CDK10: variants seen among roughly 807,000 people sequenced by gnomAD.
The protein encoded by CDK10 is cyclin dependent kinase 10, also known as cyclin-dependent kinase 10.
In CDK10, 55 loss-of-function variants were observed where a neutral mutation model predicts 51.0. That is an observed-to-expected ratio of 1.08 (90% CI 0.87 to 1.35). CDK10 has a LOEUF of 1.35. CDK10 is among the 40% of genes most tolerant of loss of function. The pLI is 0.00. For missense variants in CDK10, 589 were observed against 485.1 expected, an observed-to-expected ratio of 1.21 and a Z score of -2.01; for synonymous variants, 255 against 199.1, an observed-to-expected ratio of 1.28 and a Z score of -2.36.
chr16:89,694,208 C>A lies in CDK10; in HGVS notation c.644C>A (p.Thr215Lys), dbSNP rs772201457. The A allele has an allele frequency of 6.2e-7, 1 of 1,613,904 alleles. No individual in the cohort carries two copies. The highest frequency in any genetic ancestry group is 1.3e-5 in the African/African-American group (1 of 74,892). Residue 215 changes from threonine to lysine, a missense_variant, in exon 9 of 13, where the codon ACG becomes AAG. Coordinates refer to ENST00000353379, the MANE Select transcript of CDK10 (RefSeq NM_052988.5). ...RAPELLLGTT[T>K]QTTSIDMWAV... The stretch of plus-strand genomic sequence containing the variant: ...CCTGAACTGCTGTTGGGAACCACCA[C>A]GCAGACCACCAGCATCGACATGTGG...
Position 89,691,362 on chromosome 16 carries a change from C to T in CDK10, c.233-81C>T, listed in dbSNP as rs1358663237. 5.0e-6 allele frequency: 5 copies of T among 1,005,342 alleles called. No homozygotes were observed. In the African/African-American group the frequency reaches 6.4e-5, roughly 13 times the overall value. 62.3% of individuals were successfully genotyped at this position (1,005,342 alleles called of 1,614,324 possible). On this transcript the variant is annotated intron_variant, in intron 3 of 12. Transcript: ENST00000353379. ...ACTGCAGCACCTGCTATCAGGTGTT[C>T]GTGAAGCCCAAGAGTGGCTGGGGTT...
In CDK10 at chr16:89,687,788, C is replaced by T. The variant is rs1042206910; in HGVS notation, c.87+991C>T. On this transcript the variant is annotated intron_variant, in intron 1 of 12. Coordinates refer to ENST00000353379, the MANE Select transcript of CDK10 (RefSeq NM_052988.5). ...AAGGATTTGGACACCCAGAAATAAGCGTGTCGAGAAGAGCACAAGCAGAGG... is the reference window on the plus strand; with the variant it reads ...AAGGATTTGGACACCCAGAAATAAGTGTGTCGAGAAGAGCACAAGCAGAGG... The T allele has an allele frequency of 1.6e-4, 56 of 354,284 alleles. 3 individuals are homozygous for T. The highest frequency in any genetic ancestry group is 3.6e-5 in the Admixed American group (1 of 27,672). 21.9% of individuals were successfully genotyped at this position (354,284 alleles called of 1,614,324 possible).
intron 3 of CDK10, among the ~76,000 whole-genome samples, chr16:89,690,906 G>T (rs1257147334): frequency 6.6e-6 from 1 of 152,138 alleles, no homozygotes; most frequent in Non-Finnish European, 1.5e-5. Context: ...GCACCTGCCT[G>T]TGCAGGCAGG....
rs760973187 is a variant in CDK10 at position 89,693,484 on chromosome 16, C to T, written c.608+17C>T. 3.7e-6 allele frequency: 6 copies of T among 1,613,146 alleles called. No homozygotes were observed. Among genetic ancestry groups the T allele is most frequent in the African/African-American group, 2.7e-5 (2 of 74,914 alleles). ...CACTCTCTGGTAAGTCCTTCTGAAG[C>T]ATGGTGGCCCCTGGGGACCAGGCCT... On this transcript the variant is annotated intron_variant, in intron 8 of 12. Coordinates refer to ENST00000353379, the MANE Select transcript of CDK10 (RefSeq NM_052988.5).
Position 89,695,016 on chromosome 16 carries a change from C to G in CDK10, c.878C>G (p.Ser293Trp). The stretch of plus-strand genomic sequence containing the variant: ...CTGAAGCACAAGTTCCCATGGCTGT[C>G]GGAGGCCGGGCTGCGCCTGCTGCAC... Reference protein sequence around the residue: ...NNLKHKFPWLSEAGLRLLHFL... With the variant: ...NNLKHKFPWLWEAGLRLLHFL... The change falls in exon 11 of 13, where the codon TCG becomes TGG. Residue 293 changes from serine (S) to tryptophan (W), a missense_variant. Physicochemically the swap from Ser to Trp is radical, Grantham distance 177. Transcript: ENST00000353379. 1 of 1,613,314 alleles carries G rather than the reference C, an allele frequency of 6.2e-7. No homozygotes were observed. Among genetic ancestry groups the G allele is most frequent in the Non-Finnish European group, 8.5e-7 (1 of 1,180,022 alleles).
chr16:89,694,835 TCTGCGCCCGCAGCCCCCGCCCGTGCCCAC>T (rs1567525035), intron 10 of CDK10, 47 bp downstream of exon 10: 1 of 1,157,698 alleles, frequency 8.6e-7, no homozygotes, highest in Non-Finnish European at 1.1e-6. Context: ...GCCCACGCCC[TCTGCGCCCGCAGCCCCCGCCCGTGCCCAC>T]GCCCTCTGCG....
chr16:89,687,095 G>C, intron 1 of CDK10: 1 of 284,588 alleles, frequency 3.5e-6, no homozygotes. Context: ...GGCGCTGCTG[G>C]GTTCAGCGCC....
At chr16:89,690,743 G>T in intron 3 of CDK10, 119 bp downstream of exon 3, 1 of 872,178 alleles carries the variant, frequency 1.1e-6, no homozygotes, top group South Asian at 1.4e-5. Flanking sequence ...GCCTCTGGGA[G>T]GGTTCTGGTG....
chr16:89,691,640 T>C (rs2060455243), intron 4 of CDK10, 95 bp downstream of exon 4: 1 of 1,257,144 alleles, frequency 8.0e-7, no homozygotes. Context: ...TCACTGGGCA[T>C]GAGGTTGTCA....
intron 8 of CDK10, 150 bp from the exon 9 acceptor site, chr16:89,694,023 C>T (rs2060577408): frequency 2.7e-6 from 2 of 736,902 alleles, no homozygotes; most frequent in Non-Finnish European, 4.7e-6. Context: ...CTGTGTGTGC[C>T]ACCTGGATCT....
chr16:89,687,446 C>G (rs748212725), intron 1 of CDK10: 1 of 455,696 alleles, frequency 2.2e-6, no homozygotes, highest in Non-Finnish European at 4.4e-6. Context: ...GAATCATTAA[C>G]AGATCGTGGC....
chr16:89,694,856 C>T (rs1178255938), intron 10 of CDK10, 68 bp downstream of exon 10: 22 of 1,537,488 alleles, frequency 1.4e-5, no homozygotes, highest in Admixed American at 1.9e-5. Flanking sequence ...AGCCCCCGCC[C>T]GTGCCCACGC....
At position 89,691,534 on chromosome 16, in the gene CDK10, C is replaced by T. The variant is rs1055365150; in HGVS notation, c.324C>T (p.Asn108=). The T allele has an allele frequency of 1.9e-6, 3 of 1,613,572 alleles. No homozygotes were observed. Among genetic ancestry groups the T allele is most frequent in the Middle Eastern group, 1.7e-4 (1 of 6,060 alleles). The stretch of plus-strand genomic sequence containing the variant: ...AGCTGAAGGAGGTGGTTGTGGGGAA[C>T]CACCTGGAGAGGTACGTGGTCTCCT... ...IVELKEVVVG[N]HLESIFLVMG... is the part of the protein sequence containing the mutation. The change falls in exon 4 of 13, where the codon AAC becomes AAT. Residue 108 remains asparagine, a synonymous_variant. Coordinates refer to ENST00000353379, the MANE Select transcript of CDK10 (RefSeq NM_052988.5).
chr16:89,694,138 GC>G (rs759045194), intron 8 of CDK10, 34 bp from the exon 9 acceptor site: 2 of 1,610,146 alleles, frequency 1.2e-6, no homozygotes, highest in Non-Finnish European at 1.7e-6. Flanking sequence ...GGGGAGAGGA[GC>G]CGGCTGTATT....
rs530004975 is a variant in CDK10 at position 89,692,803 on chromosome 16, C to T, written c.485+287C>T. The T allele has an allele frequency of 5.4e-5, 15 of 276,098 alleles. No individual in the cohort carries two copies. The South Asian group carries it at 7.4e-4, about 14-fold the overall frequency. The allele number at this position is 276,098 out of a possible 1,614,324, so 17.1% of individuals were successfully genotyped here. ...CATGCACTCCGATTTTTAAAAGGTC[C>T]AAACATCAACAGCATGTAAGAGTTA... On this transcript the variant is annotated intron_variant, in intron 6 of 12. Transcript: ENST00000353379.
intron 9 of CDK10, 104 bp downstream of exon 9, chr16:89,694,336 G>A (rs1220429284): frequency 3.2e-6 from 4 of 1,242,332 alleles, no homozygotes; most frequent in Non-Finnish European, 4.6e-6. Context: ...CAGGAGTGCA[G>A]TGGGGTCTTT....
In CDK10 at chr16:89,696,058, C is replaced by T. The variant is rs971522770; in HGVS notation, c.*366C>T. ...GTCTTTGAGTTGTGGTGGACGCTGG[C>T]CTGGGATGAGAGGGCCCAGAAGACC... is the stretch of plus-strand genomic sequence containing the variant. On this transcript the variant is annotated 3_prime_UTR_variant, in exon 13 of 13. Coordinates refer to ENST00000353379, the MANE Select transcript of CDK10 (RefSeq NM_052988.5). 3.0e-5 allele frequency: 17 copies of T among 558,818 alleles called. No individual in the cohort carries two copies. The highest frequency in any genetic ancestry group is 6.0e-5 in the South Asian group (3 of 49,598). The allele number at this position is 558,818 out of a possible 1,614,324, so 34.6% of individuals were successfully genotyped here.
intron 2 of CDK10, chr16:89,689,624 C>A (rs933426556): frequency 1.4e-5 from 5 of 352,050 alleles, no homozygotes; most frequent in Non-Finnish European, 2.7e-5. Context: ...AGGAGCTGGA[C>A]ATGGTGCTCA....
Position 89,696,155 on chromosome 16 carries a change from G to A in CDK10, c.*463G>A, listed in dbSNP as rs1244320939. On this transcript the variant is annotated 3_prime_UTR_variant, in exon 13 of 13. Coordinates refer to ENST00000353379, the MANE Select transcript of CDK10 (RefSeq NM_052988.5). ...GCTGTGGGGACCCCAGGTGGGCCTG[G>A]CAGGACTCCAGATGAGGACAAGAGG... 2.5e-6 allele frequency: 1 copy of A among 393,468 alleles called. No homozygotes were observed. Among genetic ancestry groups the A allele is most frequent in the South Asian group, 2.4e-5 (1 of 41,116 alleles). The allele number at this position is 393,468 out of a possible 1,614,324, so 24.4% of individuals were successfully genotyped here.
Sources: allele counts gnomAD v4.1 joint callset (sites outside exome capture counted in the v4.1 genomes callset), GRCh38; gene constraint gnomAD v4.1.1; transcripts MANE v1.5; gene names NCBI Gene and HGNC (gene_info 2026-07-23, HGNC 2026-07-21).